ZNF407: variants seen among roughly 807,000 people sequenced by gnomAD.
ZNF407 encodes the protein zinc finger protein 407.
In ZNF407, 17 loss-of-function variants were observed where a neutral mutation model predicts 131.2. That is an observed-to-expected ratio of 0.13 (90% confidence interval 0.09 to 0.19). The LOEUF (loss-of-function observed/expected upper bound fraction) is 0.19. ZNF407 is among the 10% of genes least tolerant of loss of function. The pLI, the probability that ZNF407 is intolerant of heterozygous loss-of-function variation, is 1.00. For synonymous variants in ZNF407, 1,156 were observed against 1,062.0 expected (o/e 1.09, Z -1.72); for missense variants, 2,681 against 2,830.6 (o/e 0.95, Z 1.20).
chr18:75,050,342 A>G (rs1244016416), intron 8 of ZNF407, among the ~76,000 whole-genome samples: 2 of 152,236 alleles, frequency 1.3e-5, no homozygotes, highest in Non-Finnish European at 2.9e-5. Context: ...ACAAGATTTA[A>G]TAAATTTAAG....
At chr18:74,972,542 C>T (rs1972484470) in intron 8 of ZNF407, among the ~76,000 whole-genome samples, 2 of 152,220 alleles carry the variant, frequency 1.3e-5, no homozygotes, top group Non-Finnish European at 2.9e-5. Flanking sequence ...CTAGTCTGCT[C>T]AGAGCTGCTC....
chr18:74,816,383 C>G (rs765046347), intron 4 of ZNF407, among the ~76,000 whole-genome samples: 3 of 152,172 alleles, frequency 2.0e-5, no homozygotes, highest in Non-Finnish European at 4.4e-5. Context: ...GGTCAGTTAG[C>G]GTCCTCTGTC....
intron 8 of ZNF407, among the ~76,000 whole-genome samples, chr18:74,969,008 A>G (rs1972441230): frequency 6.6e-6 from 1 of 151,956 alleles, no homozygotes; most frequent in Non-Finnish European, 1.5e-5. Flanking sequence ...TTCTTCCCTC[A>G]GGTTTGCTGA....
At chr18:74,991,558 C>T (rs1972719102) in intron 8 of ZNF407, among the ~76,000 whole-genome samples, 1 of 152,108 alleles carries the variant, frequency 6.6e-6, no homozygotes, top group South Asian at 2.1e-4. Flanking sequence ...CATATATATT[C>T]TTCTTTAAAA....
chr18:74,634,773 G>C lies in ZNF407; in HGVS notation c.3754G>C (p.Val1252Leu), dbSNP rs1179995615. 6 of 1,613,954 alleles carry C rather than the reference G, an allele frequency of 3.7e-6. No homozygotes were observed. Among genetic ancestry groups the C allele is most frequent in the Non-Finnish European group, 5.1e-6 (6 of 1,179,914 alleles). Residue 1252 changes from valine (V) to leucine (L), a missense_variant, in exon 2 of 9, where the codon GTG becomes CTG. Val to Leu is a conservative substitution (Grantham distance 32, BLOSUM62 1). This residue lies in a region of ZNF407 where 1,789 missense variants were observed against 1,748.7 expected (regional missense o/e 1.02). Coordinates refer to ENST00000299687, the MANE Select transcript of ZNF407 (RefSeq NM_017757.3). ...TGTCCCCCACAGACACCTGTGCCCT[G>C]TGACGCTCGATGGGGAGCGCTCGGC... ...GVVPHRHLCP[V>L]TLDGERSAES...
intron 1 of ZNF407, among the ~76,000 whole-genome samples, chr18:74,611,603 G>A (rs1452075538): frequency 6.6e-6 from 1 of 152,156 alleles, no homozygotes; most frequent in African/African-American, 2.4e-5. Context: ...CAATATTGTT[G>A]GGAGGACAGG....
At chr18:74,866,272 C>T (rs909127191) in intron 4 of ZNF407, among the ~76,000 whole-genome samples, 3 of 152,112 alleles carry the variant, frequency 2.0e-5, no homozygotes, top group African/African-American at 4.8e-5. Flanking sequence ...AGTGTAACTG[C>T]GGCTCTTTGG....
chr18:74,864,530 C>T (rs1568246341), intron 4 of ZNF407, among the ~76,000 whole-genome samples: 1 of 152,162 alleles, frequency 6.6e-6, no homozygotes, highest in African/African-American at 2.4e-5. Context: ...GAACACTTCT[C>T]TTCACATCCT....
chr18:75,011,293 A>G (rs1484338426), intron 8 of ZNF407, among the ~76,000 whole-genome samples: 1 of 152,186 alleles, frequency 6.6e-6, no homozygotes, highest in Admixed American at 6.5e-5. Flanking sequence ...AATAAAAAGC[A>G]TGTGTCCCTT....
At chr18:74,681,184 C>A (rs1599065285) in intron 3 of ZNF407, among the ~76,000 whole-genome samples, 1 of 152,038 alleles carries the variant, frequency 6.6e-6, no homozygotes, top group African/African-American at 2.4e-5. Context: ...GTAAAGATGA[C>A]AGCACCTCTG....
intron 3 of ZNF407, among the ~76,000 whole-genome samples, chr18:74,683,536 C>G (rs494721): frequency 2.0e-5 from 3 of 152,058 alleles, no homozygotes; most frequent in Admixed American, 2.0e-4. Flanking sequence ...ATGCAATGCT[C>G]CTTTTTTCTT....
At chr18:74,999,126 C>G (rs1425571735) in intron 8 of ZNF407, among the ~76,000 whole-genome samples, 2 of 60,462 alleles carry the variant, frequency 3.3e-5, no homozygotes, top group African/African-American at 1.3e-4. Flanking sequence ...CATATTCTCA[C>G]TCATAGGTGG....
rs1421489237 is a variant in ZNF407, at chr18:74,633,908, A to G, written c.2889A>G (p.Gly963=). The G allele has an allele frequency of 1.2e-6, 2 of 1,614,064 alleles. No homozygotes were observed. The highest frequency in any genetic ancestry group is 3.3e-5 in the Admixed American group (2 of 60,024). Residue 963 remains glycine, a synonymous_variant, in exon 2 of 9, where the codon GGA becomes GGG. Coordinates refer to ENST00000299687, the MANE Select transcript of ZNF407 (RefSeq NM_017757.3). The part of the protein sequence containing the change: ...PTSVLEKPDR[G]NSIEAEVENV... ...CCGTTTTAGAGAAGCCAGATCGTGG[A>G]AACTCAATTGAAGCTGAAGTTGAAA...
intron 4 of ZNF407, among the ~76,000 whole-genome samples, chr18:74,833,182 C>T (rs898124681): frequency 1.3e-5 from 2 of 152,192 alleles, no homozygotes; most frequent in African/African-American, 4.8e-5. Context: ...CACATTCTAA[C>T]CACAAGACAG....
chr18:74,653,003 T>C (rs1448456303), intron 3 of ZNF407, among the ~76,000 whole-genome samples: 4 of 152,002 alleles, frequency 2.6e-5, no homozygotes, highest in Non-Finnish European at 4.4e-5. Context: ...CGGAAAATTC[T>C]AGAGATTTGA....
At chr18:74,953,599 C>G (rs2145282382) in intron 8 of ZNF407, among the ~76,000 whole-genome samples, 1 of 152,322 alleles carries the variant, frequency 6.6e-6, no homozygotes, top group South Asian at 2.1e-4. Flanking sequence ...TCCTGCCCCA[C>G]ACTCCGTAAC....
At chr18:74,666,074 A>G (rs1302292025) in intron 3 of ZNF407, among the ~76,000 whole-genome samples, 3 of 152,142 alleles carry the variant, frequency 2.0e-5, no homozygotes, top group Non-Finnish European at 4.4e-5. Flanking sequence ...CCAGAGCAGG[A>G]TCCGAAGGTG....
chr18:74,824,755 C>T (rs192549460), intron 4 of ZNF407, among the ~76,000 whole-genome samples: 5 of 152,212 alleles, frequency 3.3e-5, no homozygotes, highest in Non-Finnish European at 4.4e-5. Context: ...CAGGAACAGA[C>T]GGATTCACAG....
intron 8 of ZNF407, among the ~76,000 whole-genome samples, chr18:75,016,710 T>G (rs897113287): frequency 6.6e-6 from 1 of 152,180 alleles, no homozygotes; most frequent in Non-Finnish European, 1.5e-5. Flanking sequence ...TTTCTCTTGG[T>G]GTAGTTATAA....
Sources: gnomAD v4.1 joint callset for allele counts (sites outside exome capture counted in the v4.1 genomes callset) on GRCh38, gnomAD v4.1.1 for gene constraint, gnomAD v4.1.1 regional missense constraint, MANE v1.5 for transcripts, NCBI Gene and HGNC (gene_info 2026-07-23, HGNC 2026-07-21) for gene names.